Variants in RPS6KA1 observed in about 807,000 individuals in gnomAD.
The protein encoded by RPS6KA1 is ribosomal protein S6 kinase alpha-1.
A neutral mutation model predicts 91.3 loss-of-function variants in RPS6KA1; 48 were observed. The ratio of observed to expected loss-of-function variants is 0.53; its 90% CI spans 0.42 to 0.67. The LOEUF (loss-of-function observed/expected upper bound fraction) is 0.67. RPS6KA1 is among the 30% of genes least tolerant of loss of function. The pLI is 0.00. For missense variants in RPS6KA1, 719 were observed against 960.5 expected (o/e 0.75, Z 3.32); for synonymous variants, 359 against 384.7 (o/e 0.93, Z 0.78).
rs2076050214 is a variant in RPS6KA1, at chr1:26,551,551, C to G, written c.388+74C>G. On this transcript the variant is annotated intron_variant, in intron 5 of 21. Coordinates refer to ENST00000374168, the MANE Select transcript of RPS6KA1 (RefSeq NM_002953.4). This position sits in a 1 kb window ranked among gnomAD's most constrained non-coding sequence, Gnocchi z 4.5. ...CTTGCCTGTGGTCTGTACACTGTCC[C>G]ACCGCCTGCCTGGCAGGCCAAGGGA... The G allele has an allele frequency of 3.1e-6, 5 of 1,599,806 alleles. No individual in the cohort carries two copies. Among genetic ancestry groups the G allele is most frequent in the Admixed American group, 1.7e-5 (1 of 59,978 alleles).
In RPS6KA1 at chr1:26,558,370, A is replaced by G. The variant is rs1268233510; in HGVS notation, c.1085-437A>G. ...TATGGAGAGAGAGGAGGTGAGGATC[A>G]CAGGGCCCTCAATTGCCAGACTCAG... On this transcript the variant is annotated intron_variant, in intron 13 of 21. Transcript: ENST00000374168. This position sits in a 1 kb window ranked among gnomAD's most constrained non-coding sequence, Gnocchi z 4.0. 6.6e-6 allele frequency among the ~76,000 whole-genome samples: 1 copy of G among 152,222 alleles called. No homozygotes were observed. Among genetic ancestry groups the G allele is most frequent in the Admixed American group, 6.5e-5 (1 of 15,278 alleles).
chr1:26,542,445 C>T (rs1570425889), intron 2 of RPS6KA1, among the ~76,000 whole-genome samples: 2 of 152,316 alleles, frequency 1.3e-5, no homozygotes, highest in South Asian at 2.1e-4. Context: ...TTCCGATCAT[C>T]GGCCTGAGTG....
Position 26,571,801 on chromosome 1 carries a change from C to T in RPS6KA1, c.1753-48C>T, listed in dbSNP as rs781087453. ...GAGTAGCAGGAAACATCTGTGGCGACTTTCTACTGCCCCCCCAGACTGACC... is the reference window on the plus strand; with the variant it reads ...GAGTAGCAGGAAACATCTGTGGCGATTTTCTACTGCCCCCCCAGACTGACC... On this transcript the variant is annotated intron_variant, in intron 18 of 21. Transcript: ENST00000374168. This position sits in a 1 kb window ranked among gnomAD's most constrained non-coding sequence, Gnocchi z 5.1. The T allele has an allele frequency of 6.3e-7, 1 of 1,576,084 alleles. No individual in the cohort carries two copies. Among genetic ancestry groups the T allele is most frequent in the Non-Finnish European group, 8.6e-7 (1 of 1,159,328 alleles).
intron 2 of RPS6KA1, among the ~76,000 whole-genome samples, chr1:26,543,895 G>T (rs904454211): frequency 2.6e-5 from 4 of 152,222 alleles, no homozygotes; most frequent in Non-Finnish European, 4.4e-5. Flanking sequence ...AAAGACATCA[G>T]ATTGCACTCA....
In RPS6KA1 at chr1:26,571,497, T is replaced by C. The variant is rs1196773605; in HGVS notation, c.1639T>C (p.Ser547Pro). Residue 547 changes from serine (S) to proline (P), a missense_variant, in exon 18 of 22, where the codon TCC (serine) becomes CCC (proline). Coordinates refer to ENST00000374168, the MANE Select transcript of RPS6KA1 (RefSeq NM_002953.4). This position sits in a 1 kb window ranked among gnomAD's most constrained non-coding sequence, Gnocchi z 5.1. Reference protein sequence around the residue: ...KPSNILYVDESGNPECLRICD... With the variant: ...KPSNILYVDEPGNPECLRICD... ...CAGCAACATCCTGTATGTGGACGAG[T>C]CCGGGAATCCCGAGTGCCTGCGCAT... 6.2e-7 allele frequency: 1 copy of C among 1,613,862 alleles called. No individual in the cohort carries two copies. Among genetic ancestry groups the C allele is most frequent in the Non-Finnish European group, 8.5e-7 (1 of 1,179,988 alleles).
At chr1:26,533,881 C>T (rs2075886989) in intron 1 of RPS6KA1, among the ~76,000 whole-genome samples, 1 of 152,098 alleles carries the variant, frequency 6.6e-6, no homozygotes, top group East Asian at 1.9e-4. Flanking sequence ...AGGACCCAGG[C>T]TCTGAGTGGG....
Position 26,546,072 on chromosome 1 carries a change from T to C in RPS6KA1, c.109-795T>C, listed in dbSNP as rs776971682. 12 of 1,601,778 alleles carry C rather than the reference T, an allele frequency of 7.5e-6. No homozygotes were observed. In the East Asian group the frequency reaches 1.4e-4, roughly 18 times the overall value. On this transcript the variant is annotated intron_variant, in intron 2 of 21. Transcript: ENST00000374168. ...CGAATGTCTGGTCCTGACCTGGCTG[T>C]GTCCCTTGCAGCAGGTGCCTGGGAA...
intron 17 of RPS6KA1, among the ~76,000 whole-genome samples, chr1:26,568,573 AC>A (rs2076223621): frequency 6.6e-6 from 1 of 151,770 alleles, no homozygotes; most frequent in African/African-American, 2.4e-5. Flanking sequence ...ACATGATGAA[AC>A]CCCATCTCTA....
At chr1:26,548,151 G>A (rs943698111) in intron 4 of RPS6KA1, among the ~76,000 whole-genome samples, 1 of 152,158 alleles carries the variant, frequency 6.6e-6, no homozygotes, top group Admixed American at 6.5e-5. Flanking sequence ...GGCCAGCCTG[G>A]TGGGTGTGGA....
Position 26,558,872 on chromosome 1 carries a change from A to G in RPS6KA1, c.1150A>G (p.Thr384Ala), listed in dbSNP as rs779372663. 1 of 1,613,480 alleles carries G rather than the reference A, an allele frequency of 6.2e-7. No homozygotes were observed. Among genetic ancestry groups the G allele is most frequent in the Non-Finnish European group, 8.5e-7 (1 of 1,179,648 alleles). The change falls in exon 14 of 22, where the codon ACC becomes GCC. Residue 384 changes from threonine (T) to alanine (A), a missense_variant. Thr to Ala is a moderately conservative substitution (Grantham distance 58). This residue lies in a region of RPS6KA1 where 228 missense variants were observed against 247.6 expected (regional missense o/e 0.92). Coordinates refer to ENST00000374168, the MANE Select transcript of RPS6KA1 (RefSeq NM_002953.4). This position sits in a 1 kb window ranked among gnomAD's most constrained non-coding sequence, Gnocchi z 4.0. ...GTTCCGGGGCTTCAGCTTCGTGGCC[A>G]CCGGCCTGATGGAAGACGACGGCAA... Reference protein sequence around the residue: ...QLFRGFSFVATGLMEDDGKPR... With the variant: ...QLFRGFSFVAAGLMEDDGKPR...
intron 4 of RPS6KA1, among the ~76,000 whole-genome samples, chr1:26,550,419 T>A (rs1428989145): frequency 6.6e-6 from 1 of 151,410 alleles, no homozygotes; most frequent in Non-Finnish European, 1.5e-5. Flanking sequence ...CCTGACCTCA[T>A]GATCTGCCTG....
intron 2 of RPS6KA1, among the ~76,000 whole-genome samples, chr1:26,541,085 C>T (rs1040783588): frequency 1.3e-5 from 2 of 151,914 alleles, no homozygotes; most frequent in African/African-American, 4.8e-5. Flanking sequence ...CCACCGCGCC[C>T]GGCCCTCTAC....
chr1:26,542,763 T>A (rs1001807830), intron 2 of RPS6KA1, among the ~76,000 whole-genome samples: 12 of 152,132 alleles, frequency 7.9e-5, no homozygotes, highest in African/African-American at 2.7e-4. Flanking sequence ...ACACAGTATC[T>A]AAGCTCTGGA....
intron 2 of RPS6KA1, 21 bp from the exon 3 acceptor site, chr1:26,546,846 C>T (rs767609363): frequency 9.4e-6 from 15 of 1,603,386 alleles, no homozygotes; most frequent in African/African-American, 1.3e-5. Flanking sequence ...ACCATGCCCA[C>T]CAGCTCTGTC....
intron 1 of RPS6KA1, among the ~76,000 whole-genome samples, chr1:26,532,136 C>T (rs1200229799): frequency 6.6e-6 from 1 of 152,126 alleles, no homozygotes; most frequent in East Asian, 1.9e-4. Context: ...CGCTGGGAGG[C>T]AGGGCCTGGC....
Position 26,574,805 on chromosome 1 carries a change from T to TTGGC in RPS6KA1, c.*606_*609dup, listed in dbSNP as rs1355932392. 6.5e-5 allele frequency: 16 copies of TTGGC among 245,874 alleles called. No homozygotes were observed. Among genetic ancestry groups the TTGGC allele is most frequent in the Non-Finnish European group, 1.2e-4 (15 of 121,170 alleles). 15.2% of individuals were successfully genotyped at this position (245,874 alleles called of 1,614,324 possible). A position where few individuals can be genotyped will look rare whatever the true frequency, so the allele number is the denominator to read the frequency against. ...CCAGCTTCAGGCACCAGCATCCACC[T>TTGGC]TGGCTCTGCCAGTGGATCCCCTGCG... On this transcript the variant is annotated 3_prime_UTR_variant, in exon 22 of 22. Coordinates refer to ENST00000374168, the MANE Select transcript of RPS6KA1 (RefSeq NM_002953.4). The surrounding 1 kb of genome is among the most constrained non-coding windows in gnomAD (Gnocchi z 4.3).
intron 2 of RPS6KA1, chr1:26,546,023 C>T: frequency 6.2e-7 from 1 of 1,611,598 alleles, no homozygotes; most frequent in East Asian, 2.2e-5. Context: ...GCTCTGGCCC[C>T]CAGCGGGACT....
intron 17 of RPS6KA1, among the ~76,000 whole-genome samples, chr1:26,563,887 C>G (rs1008863105): frequency 4.6e-5 from 7 of 152,146 alleles, no homozygotes; most frequent in African/African-American, 7.2e-5. Flanking sequence ...CTTTGGGAAG[C>G]CAAGATGGGC....
chr1:26,571,362 C>A lies in RPS6KA1; in HGVS notation c.1591-87C>A. 7.6e-7 allele frequency: 1 copy of A among 1,320,542 alleles called. No individual in the cohort carries two copies. Among genetic ancestry groups the A allele is most frequent in the South Asian group, 1.3e-5 (1 of 78,682 alleles). 81.8% of individuals were successfully genotyped at this position (1,320,542 alleles called of 1,614,324 possible). A position where few individuals can be genotyped will look rare whatever the true frequency, so the allele number is the denominator to read the frequency against. On this transcript the variant is annotated intron_variant, in intron 17 of 21. Transcript: ENST00000374168. The surrounding 1 kb of genome is among the most constrained non-coding windows in gnomAD (Gnocchi z 5.1). ...ATGCACCCGTCCCTCTGCACCCTGT[C>A]TGTGTAGCTTTCTAATCTCTGGCCG...
Sources: allele counts gnomAD v4.1 joint callset (sites outside exome capture counted in the v4.1 genomes callset), GRCh38; gene constraint gnomAD v4.1.1; regional missense constraint gnomAD v4.1.1; non-coding constraint Gnocchi (gnomAD v3.1); transcripts MANE v1.5; gene names NCBI Gene and HGNC (gene_info 2026-07-23, HGNC 2026-07-21).